The following CMPK2 variants were observed in gnomAD, a reference collection of about 807,000 sequenced individuals.
CMPK2 encodes cytidine/uridine monophosphate kinase 2, also known as UMP-CMP kinase 2, mitochondrial.
Under a neutral mutation model 33.4 loss-of-function variants are expected in CMPK2, and 32 were observed. The ratio of observed to expected loss-of-function variants is 0.96; its 90% CI spans 0.72 to 1.29. The LOEUF is 1.29. CMPK2 is among the 50% of genes most tolerant of loss of function. The pLI is 0.00. For missense variants in CMPK2, 672 were observed against 616.0 expected, an observed-to-expected ratio of 1.09 and a Z score of -0.96; for synonymous variants, 299 against 275.3, an observed-to-expected ratio of 1.09 and a Z score of -0.85.
At chr2:6,861,481 A>G (rs1380018701) in intron 2 of CMPK2, 96 bp from the exon 3 acceptor site, 12 of 841,544 alleles carry the variant, frequency 1.4e-5, no homozygotes, top group Non-Finnish European at 2.3e-5. Flanking sequence ...ACTGCAAATG[A>G]AATGAGTAGA....
At chr2:6,857,343 T>G (rs1283346811) in intron 3 of CMPK2, among the ~76,000 whole-genome samples, 1 of 151,526 alleles carries the variant, frequency 6.6e-6, no homozygotes, top group Non-Finnish European at 1.5e-5. Context: ...TTTTTTTTTT[T>G]TTTTGAGACA....
chr2:6,843,630 G>A, downstream of CMPK2, among the ~76,000 whole-genome samples: 1 of 152,098 alleles, frequency 6.6e-6, no homozygotes, highest in Non-Finnish European at 1.5e-5. Context: ...CAAAGAATCT[G>A]TCCTGGAACC....
At chr2:6,861,652 G>T (rs547530732) in intron 2 of CMPK2, among the ~76,000 whole-genome samples, 1 of 152,084 alleles carries the variant, frequency 6.6e-6, no homozygotes, top group African/African-American at 2.4e-5. Flanking sequence ...TTTTATTCCC[G>T]GCAGCCCAGC....
chr2:6,860,562 C>T (rs974493713), intron 3 of CMPK2, among the ~76,000 whole-genome samples: 4 of 152,192 alleles, frequency 2.6e-5, no homozygotes, highest in East Asian at 1.9e-4. Context: ...TCTTGTCTGC[C>T]GCCATGTGAG....
In CMPK2 at chr2:6,861,269, T is replaced by C; in HGVS notation, c.907A>G (p.Arg303Gly). The part of the protein sequence containing the change: ...KIFDDEPTII[R>G]RAFYSLGNYI... ...TTGCCCAAAGAGTAAAAAGCTCTTC[T>C]AATGATAGTTGGTTCATCATCAAAG... The change falls in exon 3 of 5, where the codon AGA becomes GGA. Residue 303 changes from arginine to glycine, a missense_variant. Transcript: ENST00000256722. The C allele has an allele frequency of 1.2e-6, 2 of 1,614,126 alleles. No individual in the cohort carries two copies. Among genetic ancestry groups the C allele is most frequent in the Non-Finnish European group, 1.7e-6 (2 of 1,179,980 alleles).
Position 6,863,526 on chromosome 2 carries a change from C to A in CMPK2, c.728G>T (p.Cys243Phe), listed in dbSNP as rs763359877. 2 of 1,614,168 alleles carry A rather than the reference C, an allele frequency of 1.2e-6. No individual in the cohort carries two copies. The highest frequency in any genetic ancestry group is 1.7e-6 in the Non-Finnish European group (2 of 1,180,022). The change falls in exon 2 of 5, where the codon TGC (cysteine) becomes TTC (phenylalanine). Residue 243 changes from cysteine to phenylalanine, a missense_variant. Physicochemically the swap from Cys to Phe is radical, Grantham distance 205. Coordinates refer to ENST00000256722, the MANE Select transcript of CMPK2 (RefSeq NM_207315.4). ...ARAVLDLVDQ[C>F]PKQIQKGKFQ... Reference sequence around the variant, plus strand: ...CTTTCCTTTCTGGATCTGTTTTGGGCACTGGTCGACCAGGTCAAGCACTGC... The same window carrying A: ...CTTTCCTTTCTGGATCTGTTTTGGGAACTGGTCGACCAGGTCAAGCACTGC...
chr2:6,840,580 C>A (rs1049760471), exon 4 of CMPK2: 1 of 702,276 alleles, frequency 1.4e-6, no homozygotes, highest in Non-Finnish European at 2.6e-6. Flanking sequence ...TCATTCCAGG[C>A]CTTGACTCGA....
At chr2:6,865,943 T>C (rs1572147749), upstream of CMPK2, 1 of 1,314,480 alleles carries the variant, frequency 7.6e-7, no homozygotes, top group Non-Finnish European at 9.9e-7. Context: ...AGCAGACGCT[T>C]GGCCCCGGGG....
At position 6,848,434 on chromosome 2, in the gene CMPK2, AAT is replaced by A. The variant is rs1311662603; in HGVS notation, c.*1414_*1415del. On this transcript the variant is annotated 3_prime_UTR_variant, in exon 5 of 5. Coordinates refer to ENST00000256722, the MANE Select transcript of CMPK2 (RefSeq NM_207315.4). ...CAAAATGTTTAAAGTAAATAAAACC[AAT>A]AATACAGCTAGATACCACATTGCAA... The A allele has an allele frequency of 1.0e-6, 1 of 982,806 alleles. No individual in the cohort carries two copies. The highest frequency in any genetic ancestry group is 1.2e-6 in the Non-Finnish European group (1 of 827,514). 60.9% of individuals were successfully genotyped at this position (982,806 alleles called of 1,614,324 possible).
In CMPK2 at chr2:6,848,584, A is replaced by C. The variant is rs1450218142; in HGVS notation, c.*1266T>G. ...TTAAAAATCCTATGACATTAACATGAAACTTTATTAGAATTTAAGATTCTA... is the reference window on the plus strand; with the variant it reads ...TTAAAAATCCTATGACATTAACATGCAACTTTATTAGAATTTAAGATTCTA... On this transcript the variant is annotated 3_prime_UTR_variant, in exon 5 of 5. Coordinates refer to ENST00000256722, the MANE Select transcript of CMPK2 (RefSeq NM_207315.4). 2 of 956,898 alleles carry C rather than the reference A, an allele frequency of 2.1e-6. No individual in the cohort carries two copies. Among genetic ancestry groups the C allele is most frequent in the African/African-American group, 3.5e-5 (2 of 56,582 alleles). 59.3% of individuals were successfully genotyped at this position (956,898 alleles called of 1,614,324 possible). A position where few individuals can be genotyped will look rare whatever the true frequency, so the allele number is the denominator to read the frequency against.
At chr2:6,840,726 C>T in intron 3 of CMPK2, 1 of 700,162 alleles carries the variant, frequency 1.4e-6, no homozygotes, top group Non-Finnish European at 2.6e-6. Flanking sequence ...TACCAAGTCT[C>T]CTTGGTAGAA....
At chr2:6,859,001 T>C (rs1662795753) in intron 3 of CMPK2, among the ~76,000 whole-genome samples, 1 of 152,158 alleles carries the variant, frequency 6.6e-6, no homozygotes, top group Non-Finnish European at 1.5e-5. Flanking sequence ...GACAATGAAA[T>C]CCAGGCTGAG....
Position 6,865,594 on chromosome 2 carries a change from G to C in CMPK2, c.103C>G (p.Leu35Val), listed in dbSNP as rs963904286. 1.8e-5 allele frequency: 25 copies of C among 1,394,672 alleles called. No homozygotes were observed. The highest frequency in any genetic ancestry group is 2.2e-5 in the Non-Finnish European group (24 of 1,074,456). The allele number at this position is 1,394,672 out of a possible 1,614,324, so 86.4% of individuals were successfully genotyped here. ...GCCAGGGTGCAGTCGGGAAGCTCCA[G>C]GACGAAGCGGCGCGGCGGAGCCATG... ...GAMAPPRRFV[L>V]ELPDCTLAHF... The change falls in exon 1 of 5, where the codon CTG becomes GTG. Residue 35 changes from leucine to valine, a missense_variant. Leu to Val is a conservative substitution (Grantham distance 32). Coordinates refer to ENST00000256722, the MANE Select transcript of CMPK2 (RefSeq NM_207315.4).
chr2:6,845,661 C>T (rs564031934), downstream of CMPK2, among the ~76,000 whole-genome samples: 1 of 152,294 alleles, frequency 6.6e-6, no homozygotes, highest in South Asian at 2.1e-4. Context: ...CCCTAAGAGG[C>T]CTAGGAGAGA....
chr2:6,853,742 T>A lies in CMPK2; in HGVS notation c.993-2059A>T, dbSNP rs542255770. Among the ~76,000 whole-genome samples, 4 of 151,750 alleles carry A rather than the reference T, an allele frequency of 2.6e-5. No homozygotes were observed. In the South Asian group the frequency reaches 6.3e-4, roughly 24 times the overall value. On this transcript the variant is annotated intron_variant, in intron 3 of 4. Coordinates refer to ENST00000256722, the MANE Select transcript of CMPK2 (RefSeq NM_207315.4). ...ATGGTGAAACCCCGTCTTTACTAAA[T>A]ATACAAAAAATTAGCCGGGCGTGGT...
At chr2:6,850,680 G>A in intron 4 of CMPK2, 1 of 886,888 alleles carries the variant, frequency 1.1e-6, no homozygotes, top group Non-Finnish European at 1.4e-6. Context: ...AAGTTTAATG[G>A]AATTAATACA....
At chr2:6,863,151 T>C (rs1355967504) in intron 2 of CMPK2, among the ~76,000 whole-genome samples, 1 of 152,116 alleles carries the variant, frequency 6.6e-6, no homozygotes, top group Non-Finnish European at 1.5e-5. Flanking sequence ...CCAACTCCTA[T>C]CTGTACTTAA....
chr2:6,845,818 A>T (rs1337385735), downstream of CMPK2, among the ~76,000 whole-genome samples: 2 of 152,226 alleles, frequency 1.3e-5, no homozygotes, highest in Non-Finnish European at 2.9e-5. Flanking sequence ...TTCCTTTTTT[A>T]AAAAATCCCA....
intron 3 of CMPK2, 114 bp from the exon 4 acceptor site, chr2:6,851,797 G>C: frequency 1.3e-6 from 1 of 770,938 alleles, no homozygotes; most frequent in Non-Finnish European, 2.1e-6. Flanking sequence ...AGTTTTTCTA[G>C]TATTGCATAA....
Sources: allele counts gnomAD v4.1 joint callset (sites outside exome capture counted in the v4.1 genomes callset), GRCh38; gene constraint gnomAD v4.1.1; transcripts MANE v1.5; gene names NCBI Gene and HGNC (gene_info 2026-07-23, HGNC 2026-07-21).